The following ATP9B variants were observed in gnomAD, a reference collection of about 807,000 sequenced individuals.
The protein encoded by ATP9B is probable phospholipid-transporting ATPase IIB.
Under a neutral mutation model 146.1 loss-of-function variants are expected in ATP9B, and 110 were observed. The observed-to-expected ratio is 0.75, with a 90% CI of 0.65 to 0.88. The LOEUF is 0.88. Ranked by LOEUF, ATP9B falls within the 40% of genes least tolerant of loss-of-function variation. ATP9B has a pLI of 0.00. For synonymous variants in ATP9B, 604 were observed against 569.7 expected (o/e 1.06, Z -0.86); for missense variants, 1,499 against 1,496.4 (o/e 1.00, Z -0.03).
intron 9 of ATP9B, among the ~76,000 whole-genome samples, chr18:79,201,012 G>C (rs1024935180): frequency 1.3e-5 from 2 of 152,204 alleles, no homozygotes; most frequent in African/African-American, 4.8e-5. Context: ...CACCCCATGA[G>C]GCACAAGACG....
chr18:79,163,863 ATTT>A lies in ATP9B; in HGVS notation c.778+9310_778+9312del, dbSNP rs1165531675. ...TTTTTATATTTTATTTTCATATTTT[ATTT>A]TATACACACACACACACACACACAC... On this transcript the variant is annotated intron_variant, in intron 7 of 29. Transcript: ENST00000426216. 3.7e-3 allele frequency among the ~76,000 whole-genome samples: 344 copies of A among 92,428 alleles called. 6 individuals are homozygous for A. Among genetic ancestry groups the A allele is most frequent in the Non-Finnish European group, 5.1e-4 (25 of 48,694 alleles). The allele number at this position is 92,428 out of a possible 152,430, so 60.6% of individuals were successfully genotyped here.
chr18:79,107,200 C>G (rs770330699), intron 2 of ATP9B, among the ~76,000 whole-genome samples: 1 of 152,122 alleles, frequency 6.6e-6, no homozygotes, highest in Non-Finnish European at 1.5e-5. Flanking sequence ...GCAATGTGCT[C>G]TGTTGATGCC....
chr18:79,348,707 G>A (rs1379260057), intron 25 of ATP9B, among the ~76,000 whole-genome samples: 2 of 152,276 alleles, frequency 1.3e-5, no homozygotes, highest in African/African-American at 4.8e-5. Flanking sequence ...TGGGCGCGGT[G>A]GCTCACGCCT....
intron 11 of ATP9B, among the ~76,000 whole-genome samples, chr18:79,251,916 C>T (rs1047594912): frequency 6.6e-6 from 1 of 152,156 alleles, no homozygotes; most frequent in African/African-American, 2.4e-5. Context: ...GATAACTAAC[C>T]TGATAGAATT....
chr18:79,377,214 G>C (rs999920692), intron 29 of ATP9B, 33 bp from the exon 30 acceptor site: 12 of 1,608,012 alleles, frequency 7.5e-6, no homozygotes, highest in Non-Finnish European at 1.0e-5. Context: ...TTCTTGGTCA[G>C]CTCTTACCTT....
chr18:79,184,798 G>C (rs2095289478), intron 8 of ATP9B, among the ~76,000 whole-genome samples: 12 of 152,036 alleles, frequency 7.9e-5, no homozygotes, highest in Admixed American at 7.9e-4. Context: ...TGTAACACTT[G>C]GACAAAAGCC....
In ATP9B at chr18:79,345,539, C is replaced by A; in HGVS notation, c.2584C>A (p.Gln862Lys). The A allele has an allele frequency of 6.2e-7, 1 of 1,610,982 alleles. No individual in the cohort carries two copies. Among genetic ancestry groups the A allele is most frequent in the African/African-American group, 1.3e-5 (1 of 75,068 alleles). ...GAAGGCCCGCATTGTGACACTGCTGCAGCAGCACACAGGGAGACGCACCTG... is the reference window on the plus strand; with the variant it reads ...GAAGGCCCGCATTGTGACACTGCTGAAGCAGCACACAGGGAGACGCACCTG... ...TQKARIVTLLQQHTGRRTCAI... is the reference protein window; with the variant it reads ...TQKARIVTLLKQHTGRRTCAI... Residue 862 changes from glutamine (Q) to lysine (K), a missense_variant, in exon 22 of 30, where the codon CAG becomes AAG. By Grantham distance (53) the Gln-to-Lys change is moderately conservative. Transcript: ENST00000426216.
chr18:79,353,607 G>A (rs576704481), intron 25 of ATP9B: 4 of 152,324 alleles, frequency 2.6e-5, no homozygotes, highest in South Asian at 2.1e-4. Flanking sequence ...GTTAGCCTGC[G>A]GGGAACAGCC....
At chr18:79,298,404 A>G (rs1268954316) in intron 13 of ATP9B, among the ~76,000 whole-genome samples, 1 of 146,542 alleles carries the variant, frequency 6.8e-6, no homozygotes, top group East Asian at 2.0e-4. Context: ...AATCTAATAT[A>G]AAATGAGTGG....
chr18:79,080,922 T>G (rs937541199), intron 1 of ATP9B, among the ~76,000 whole-genome samples: 7 of 152,238 alleles, frequency 4.6e-5, no homozygotes, highest in Non-Finnish European at 8.8e-5. Flanking sequence ...GGATTACGTT[T>G]ATTGATTTGC....
At chr18:79,303,754 C>A in intron 14 of ATP9B, 38 bp downstream of exon 14, 2 of 1,486,852 alleles carry the variant, frequency 1.3e-6, no homozygotes, top group Non-Finnish European at 1.9e-6. Context: ...TGCTTCCACA[C>A]ACATCCCGCG....
At chr18:79,211,591 G>A (rs2095584744) in intron 10 of ATP9B, among the ~76,000 whole-genome samples, 1 of 152,148 alleles carries the variant, frequency 6.6e-6, no homozygotes, top group African/African-American at 2.4e-5. Flanking sequence ...ATTTTTACCT[G>A]TAGTCAATTT....
intron 15 of ATP9B, among the ~76,000 whole-genome samples, chr18:79,308,504 C>T (rs867806356): frequency 1.3e-5 from 2 of 152,202 alleles, no homozygotes; most frequent in Non-Finnish European, 2.9e-5. Context: ...ATCGAGGCAC[C>T]TTTGAAACCT....
chr18:79,155,676 G>A (rs73971382), intron 7 of ATP9B, among the ~76,000 whole-genome samples: 1 of 148,212 alleles, frequency 6.7e-6, no homozygotes, highest in Non-Finnish European at 1.5e-5. Flanking sequence ...CAGAGTTGTT[G>A]ATTTAATTTT....
intron 12 of ATP9B, among the ~76,000 whole-genome samples, chr18:79,272,302 C>A (rs1448869559): frequency 2.0e-5 from 3 of 152,200 alleles, no homozygotes; most frequent in Non-Finnish European, 4.4e-5. Context: ...TAGGGTGTAT[C>A]TCTGCCTTTG....
chr18:79,270,239 C>T (rs1420879983), intron 12 of ATP9B, among the ~76,000 whole-genome samples: 3 of 152,158 alleles, frequency 2.0e-5, no homozygotes, highest in African/African-American at 4.8e-5. Context: ...CAGCCTTGCT[C>T]CTGCATTCTT....
intron 1 of ATP9B, among the ~76,000 whole-genome samples, chr18:79,072,791 C>A (rs1449499089): frequency 6.6e-6 from 1 of 152,050 alleles, no homozygotes; most frequent in East Asian, 1.9e-4. Context: ...TTCTCACCTC[C>A]CAGATGGGGT....
chr18:79,343,409 A>C (rs1160856705), intron 20 of ATP9B, among the ~76,000 whole-genome samples: 2 of 152,184 alleles, frequency 1.3e-5, no homozygotes, highest in African/African-American at 4.8e-5. Flanking sequence ...TAAAATCTCC[A>C]CAGAAGGAAT....
At chr18:79,196,025 T>C (rs751920469) in intron 9 of ATP9B, among the ~76,000 whole-genome samples, 6 of 152,158 alleles carry the variant, frequency 3.9e-5, no homozygotes, top group Non-Finnish European at 8.8e-5. Flanking sequence ...TGCTGTCATA[T>C]TTTACATATA....
Sources: allele counts gnomAD v4.1 joint callset (sites outside exome capture counted in the v4.1 genomes callset), GRCh38; gene constraint gnomAD v4.1.1; transcripts MANE v1.5; gene names NCBI Gene and HGNC (gene_info 2026-07-23, HGNC 2026-07-21).